The following DPP6 variants were observed in gnomAD, a reference collection of about 807,000 sequenced individuals.
DPP6 encodes the protein dipeptidyl peptidase like 6.
In DPP6, 69 loss-of-function variants were observed where a neutral mutation model predicts 122.6. The ratio of observed to expected loss-of-function variants is 0.56; its 90% CI spans 0.46 to 0.69. The LOEUF is 0.69. Ranked by LOEUF, DPP6 falls within the 30% of genes least tolerant of loss-of-function variation. The pLI, the probability that DPP6 is intolerant of heterozygous loss-of-function variation, is 0.00. For synonymous variants in DPP6, 418 were observed against 433.1 expected, an observed-to-expected ratio of 0.97 and a Z score of 0.43; for missense variants, 928 against 1,116.9, an observed-to-expected ratio of 0.83 and a Z score of 2.41.
intron 1 of DPP6, among the ~76,000 whole-genome samples, chr7:154,374,231 T>G (rs1812918598): frequency 6.6e-6 from 1 of 152,198 alleles, no homozygotes. Context: ...TATTTCATGT[T>G]TACGAGATTA....
chr7:154,645,843 A>G (rs1355101669), intron 6 of DPP6, among the ~76,000 whole-genome samples: 6 of 152,000 alleles, frequency 3.9e-5, no homozygotes, highest in Non-Finnish European at 8.8e-5. Flanking sequence ...CCTGGCTAAC[A>G]CGGTGAAACC....
chr7:154,128,740 A>G (rs1344256235), intron 1 of DPP6, among the ~76,000 whole-genome samples: 1 of 151,292 alleles, frequency 6.6e-6, no homozygotes, highest in Non-Finnish European at 1.5e-5. Flanking sequence ...TTTAAAAGTA[A>G]GTTGTCTCAT....
chr7:154,093,410 C>A (rs111163535), intron 1 of DPP6, among the ~76,000 whole-genome samples: 3 of 136,546 alleles, frequency 2.2e-5, no homozygotes, highest in South Asian at 2.5e-4. Flanking sequence ...ATACCACATC[C>A]TACACACCAC....
intron 5 of DPP6, chr7:154,587,581 T>C: frequency 6.8e-7 from 1 of 1,475,900 alleles, no homozygotes; most frequent in Non-Finnish European, 9.0e-7. Flanking sequence ...TGCCCCAAAA[T>C]AGCATCCTGG....
At chr7:153,776,736 A>G in the DPP6 span, among the ~76,000 whole-genome samples, 1 of 152,210 alleles carries the variant, frequency 6.6e-6, no homozygotes, top group East Asian at 1.9e-4. Context: ...CGGGACATGC[A>G]TATGAAAAAT....
intron 1 of DPP6, among the ~76,000 whole-genome samples, chr7:154,348,815 A>T (rs1482641131): frequency 1.3e-5 from 2 of 152,242 alleles, no homozygotes; most frequent in East Asian, 3.8e-4. Context: ...TGCCTACTTC[A>T]CAGACATTCA....
At chr7:154,085,761 A>G (rs529338224) in intron 1 of DPP6, among the ~76,000 whole-genome samples, 1 of 152,244 alleles carries the variant, frequency 6.6e-6, no homozygotes, top group East Asian at 1.9e-4. Context: ...GGAGTCTCAT[A>G]CTGTCACCCA....
the DPP6 span, among the ~76,000 whole-genome samples, chr7:153,822,447 TC>T: frequency 5.6e-4 from 86 of 152,250 alleles, no homozygotes; most frequent in Non-Finnish European, 9.3e-4. Flanking sequence ...CACCTCGGCC[TC>T]CCACAGTGCT....
intron 2 of DPP6, among the ~76,000 whole-genome samples, chr7:154,454,554 G>A (rs1056564881): frequency 2.0e-5 from 3 of 152,152 alleles, no homozygotes; most frequent in African/African-American, 7.2e-5. Context: ...AAAGCCATGA[G>A]CCCTCGGGGG....
chr7:153,972,657 T>C lies in DPP6; in HGVS notation c.51+84923T>C, dbSNP rs1291905245. 4.3e-4 allele frequency among the ~76,000 whole-genome samples: 65 copies of C among 151,160 alleles called. 1 individual carries two copies. The highest frequency in any genetic ancestry group is 1.5e-5 in the Non-Finnish European group (1 of 67,880). On this transcript the variant is annotated intron_variant, in intron 1 of 25. Transcript: ENST00000404039. ...CAGTTGGGAAGTGCCCGTGGACATG[T>C]GCTATGTTCAGAATTGTCAGAATTG...
chr7:154,334,052 T>C (rs529964624), intron 1 of DPP6, among the ~76,000 whole-genome samples: 21 of 152,334 alleles, frequency 1.4e-4, no homozygotes, highest in Middle Eastern at 6.8e-3. Context: ...TTTTATTATG[T>C]GCTGTGCTAG....
At chr7:154,585,100 G>A (rs530112969) in intron 5 of DPP6, among the ~76,000 whole-genome samples, 103 of 128,960 alleles carry the variant, frequency 8.0e-4, no homozygotes, top group African/African-American at 2.8e-3. Flanking sequence ...CTAGTCCCTG[G>A]CAGCCACAGA....
chr7:154,034,500 C>T (rs532702459), intron 1 of DPP6, among the ~76,000 whole-genome samples: 1 of 152,204 alleles, frequency 6.6e-6, no homozygotes, highest in Admixed American at 6.5e-5. Context: ...AGCAAATCTA[C>T]GGGTCTCCCT....
Position 154,282,810 on chromosome 7 carries a change from A to G in DPP6, c.244-163404A>G, listed in dbSNP as rs867799293. On this transcript the variant is annotated intron_variant, in intron 1 of 25. Transcript: ENST00000377770. This position sits in a 1 kb window ranked among gnomAD's most constrained non-coding sequence, Gnocchi z 4.8. ...GGGTTGATTCCTAAAGGGTTTAGAAATAACCACAAATAGGCCCATTTATAA... is the reference window on the plus strand; with the variant it reads ...GGGTTGATTCCTAAAGGGTTTAGAAGTAACCACAAATAGGCCCATTTATAA... Among the ~76,000 whole-genome samples, 12 of 152,310 alleles carry G rather than the reference A, an allele frequency of 7.9e-5. No homozygotes were observed. The highest frequency in any genetic ancestry group is 3.4e-3 in the Middle Eastern group (1 of 294).
At chr7:154,098,126 G>T (rs866747213) in intron 1 of DPP6, among the ~76,000 whole-genome samples, 1 of 152,148 alleles carries the variant, frequency 6.6e-6, no homozygotes, top group African/African-American at 2.4e-5. Flanking sequence ...TTGGAGGAGG[G>T]ACCCTGTGGG....
chr7:153,950,348 G>A (rs1301693353), intron 1 of DPP6, among the ~76,000 whole-genome samples: 2 of 152,186 alleles, frequency 1.3e-5, no homozygotes, highest in African/African-American at 2.4e-5. Context: ...GGAATGTTAG[G>A]TGTGAGACAA....
At chr7:153,932,363 T>C (rs940611235) in intron 1 of DPP6, among the ~76,000 whole-genome samples, 4 of 152,092 alleles carry the variant, frequency 2.6e-5, no homozygotes, top group African/African-American at 9.7e-5. Flanking sequence ...TCAGGTGATC[T>C]ACCCACTCCT....
Position 154,481,472 on chromosome 7 carries a change from C to A in DPP6, c.457+6435C>A, listed in dbSNP as rs1347729503. 6.6e-6 allele frequency among the ~76,000 whole-genome samples: 1 copy of A among 151,494 alleles called. No individual in the cohort carries two copies. The highest frequency in any genetic ancestry group is 2.4e-5 in the African/African-American group (1 of 41,152). ...CTCATGCCCAGCACTACATCATCCT[C>A]CCCCAACCTCTTCACAGACCCCCCG... On this transcript the variant is annotated intron_variant, in intron 3 of 25. Transcript: ENST00000377770. The surrounding 1 kb of genome is among the most constrained non-coding windows in gnomAD (Gnocchi z 4.2).
chr7:154,742,875 G>A (rs746962551), intron 8 of DPP6, among the ~76,000 whole-genome samples: 6 of 151,832 alleles, frequency 4.0e-5, no homozygotes, highest in South Asian at 2.1e-4. Context: ...TGGGACTTAC[G>A]GGCAAAGGGC....
Sources: gnomAD v4.1 joint callset for allele counts (sites outside exome capture counted in the v4.1 genomes callset) on GRCh38, gnomAD v4.1.1 for gene constraint, Gnocchi (gnomAD v3.1) non-coding constraint, MANE v1.5 for transcripts, NCBI Gene and HGNC (gene_info 2026-07-23, HGNC 2026-07-21) for gene names.